The following DCX variants were observed in gnomAD, a reference collection of about 807,000 sequenced individuals.
DCX encodes neuronal migration protein doublecortin.
In DCX, 4 loss-of-function variants were observed where a neutral mutation model predicts 20.9. The ratio of observed to expected loss-of-function variants is 0.19; its 90% CI spans 0.09 to 0.44. The LOEUF (loss-of-function observed/expected upper bound fraction) is 0.44, where lower values mean the gene tolerates loss of function less well. Among genes scored for constraint, DCX ranks in the 20% least tolerant of loss-of-function variants. The probability of loss-of-function intolerance (pLI) is 0.99; values close to 1 mark genes in which losing one functional copy is unlikely to be tolerated. For synonymous variants in DCX, 103 were observed against 111.4 expected (o/e 0.92, Z 0.47); for missense variants, 133 against 296.9 (o/e 0.45, Z 4.06).
intron 3 of DCX, among the ~76,000 whole-genome samples, chrX:111,348,874 A>AAAAAG (rs752352505): frequency 7.2e-4 from 79 of 109,635 alleles, no homozygotes; most frequent in East Asian, 5.5e-3. Flanking sequence ...TTAAAAAAAA[A>AAAAAG]AAAAGAAAAG....
chrX:111,406,928 T>G (rs1031892662), intron 2 of DCX, among the ~76,000 whole-genome samples: 19 of 112,259 alleles, frequency 1.7e-4, no homozygotes, highest in Non-Finnish European at 3.6e-4. Flanking sequence ...TGGGTAAATT[T>G]CATGTTATGC....
intron 6 of DCX, among the ~76,000 whole-genome samples, chrX:111,306,860 T>C (rs911086942): frequency 9.0e-6 from 1 of 110,965 alleles, no homozygotes; most frequent in Non-Finnish European, 1.9e-5. Context: ...TACCTTGAGA[T>C]AAAGGAAAAT....
chrX:111,328,277 T>A (rs766181996), intron 5 of DCX, among the ~76,000 whole-genome samples: 1 of 111,517 alleles, frequency 9.0e-6, no homozygotes, highest in African/African-American at 3.3e-5. Context: ...TGGGTTGGGA[T>A]CTCTTATATT....
chrX:111,343,968 C>T (rs889205528), intron 3 of DCX, among the ~76,000 whole-genome samples: 2 of 110,960 alleles, frequency 1.8e-5, no homozygotes, highest in Admixed American at 9.6e-5. Flanking sequence ...GGCGACAGAA[C>T]GAGACTCCAT....
rs911401960 is a variant in DCX, at chrX:111,328,310, A to C, written c.946+2594T>G. On this transcript the variant is annotated intron_variant, in intron 5 of 6. Transcript: ENST00000636035. ...ATTGTAACTCCCTTCAATTTGACAAATATTCATTGAGTTCTAATATATTCA... is the reference window on the plus strand; with the variant it reads ...ATTGTAACTCCCTTCAATTTGACAACTATTCATTGAGTTCTAATATATTCA... Among the ~76,000 whole-genome samples, 6 of 111,798 alleles carry C rather than the reference A, an allele frequency of 5.4e-5. No individual in the cohort carries two copies. In the East Asian group the frequency reaches 1.7e-3, roughly 32 times the overall value.
chrX:111,367,535 T>C (rs1475627733), intron 3 of DCX, among the ~76,000 whole-genome samples: 2 of 111,740 alleles, frequency 1.8e-5, no homozygotes, highest in African/African-American at 6.5e-5. Context: ...CCAATTGGCA[T>C]CCAATAGAGA....
chrX:111,374,045 TTC>T (rs1384015969), intron 3 of DCX, among the ~76,000 whole-genome samples: 1 of 112,204 alleles, frequency 8.9e-6, no homozygotes, highest in African/African-American at 3.2e-5. Flanking sequence ...CCTGAATCTG[TTC>T]TTTTTCTATT....
intron 5 of DCX, among the ~76,000 whole-genome samples, chrX:111,330,576 G>C (rs1302685254): frequency 1.8e-5 from 2 of 111,581 alleles, no homozygotes; most frequent in African/African-American, 6.5e-5. Flanking sequence ...TTTAATTTCA[G>C]GTTTATGGTT....
At chrX:111,383,892 G>A (rs899862743) in intron 3 of DCX, among the ~76,000 whole-genome samples, 5 of 111,157 alleles carry the variant, frequency 4.5e-5, no homozygotes, top group South Asian at 3.9e-4. Context: ...AGCCAAAATT[G>A]AGACCCACTT....
intron 2 of DCX, among the ~76,000 whole-genome samples, chrX:111,408,232 T>C (rs887274345): frequency 6.3e-5 from 7 of 111,615 alleles, no homozygotes; most frequent in Admixed American, 1.9e-4. Context: ...AGTCCTTTGA[T>C]GGTCAGGAAG....
intron 2 of DCX, among the ~76,000 whole-genome samples, chrX:111,402,220 G>A (rs1193983870): frequency 9.0e-6 from 1 of 111,711 alleles, no homozygotes; most frequent in Non-Finnish European, 1.9e-5. Flanking sequence ...TTTATGGATT[G>A]GAAGGATCTA....
intron 4 of DCX, 116 bp from the exon 5 acceptor site, chrX:111,331,157 A>G (rs1471822488): frequency 2.3e-6 from 2 of 868,536 alleles, no homozygotes; most frequent in Non-Finnish European, 3.4e-6. Context: ...GGTCAGGACT[A>G]CAATGTGGTC....
At chrX:111,324,931 G>A (rs1318069188) in intron 5 of DCX, among the ~76,000 whole-genome samples, 1 of 111,339 alleles carries the variant, frequency 9.0e-6, no homozygotes, top group Non-Finnish European at 1.9e-5. Flanking sequence ...TGCACTATGG[G>A]GTGCTCACTG....
intron 3 of DCX, among the ~76,000 whole-genome samples, chrX:111,377,992 G>A (rs1222197456): frequency 9.0e-6 from 1 of 111,113 alleles, no homozygotes. Context: ...GGCAGGACCA[G>A]GAAACCAAAG....
chrX:111,365,456 G>A (rs1297252502), intron 3 of DCX, among the ~76,000 whole-genome samples: 1 of 110,037 alleles, frequency 9.1e-6, no homozygotes, highest in Non-Finnish European at 1.9e-5. Flanking sequence ...TGGGGTATCC[G>A]TCCTCTCAAG....
At chrX:111,364,115 A>G (rs1158924000) in intron 3 of DCX, among the ~76,000 whole-genome samples, 1 of 112,038 alleles carries the variant, frequency 8.9e-6, no homozygotes. Context: ...CTGCTTTCTA[A>G]GTTTCTTAGT....
rs774000833 is a variant in DCX at position 111,318,393 on chromosome X, T to C, written c.947-5657A>G. 5.1e-5 allele frequency among the ~76,000 whole-genome samples: 5 copies of C among 98,035 alleles called. No individual in the cohort carries two copies. The East Asian group carries it at 8.9e-4, about 17-fold the overall frequency. 85.1% of individuals were successfully genotyped at this position (98,035 alleles called of 115,157 possible). A position where few individuals can be genotyped will look rare whatever the true frequency, so the allele number is the denominator to read the frequency against. Reference sequence around the variant, plus strand: ...ATAATAATAATAATAATAATAACAATAATAATAATAATAAAACTGAATTAC... The same window carrying C: ...ATAATAATAATAATAATAATAACAACAATAATAATAATAAAACTGAATTAC... On this transcript the variant is annotated intron_variant, in intron 5 of 6. Transcript: ENST00000636035.
In DCX at chrX:111,299,460, C is replaced by T. The variant is rs1480359162; in HGVS notation, c.*2227G>A. 9.0e-6 allele frequency: 1 copy of T among 111,278 alleles called. No homozygotes were observed. Among genetic ancestry groups the T allele is most frequent in the African/African-American group, 3.3e-5 (1 of 30,531 alleles). The allele number at this position is 111,278 out of a possible 1,213,427, so 9.2% of individuals were successfully genotyped here. On this transcript the variant is annotated 3_prime_UTR_variant, in exon 7 of 7. Transcript: ENST00000636035. ...TCCTCTGGTCCTGCTCTTTACCAGC[C>T]TCCACTTCCTCAACTTAAAATAAAG...
intron 3 of DCX, among the ~76,000 whole-genome samples, chrX:111,381,577 T>C (rs1419645205): frequency 9.0e-6 from 1 of 110,812 alleles, no homozygotes; most frequent in Non-Finnish European, 1.9e-5. Flanking sequence ...ACAACTCTAC[T>C]CAGAACCTAT....
Sources: allele counts gnomAD v4.1 joint callset (sites outside exome capture counted in the v4.1 genomes callset), GRCh38; gene constraint gnomAD v4.1.1; transcripts MANE v1.5; gene names NCBI Gene and HGNC (gene_info 2026-07-23, HGNC 2026-07-21).